Variants in SHMT1 observed in about 807,000 individuals in gnomAD.
The protein encoded by SHMT1 is serine hydroxymethyltransferase, cytosolic.
A neutral mutation model predicts 49.0 loss-of-function variants in SHMT1; 45 were observed. That is an observed-to-expected ratio of 0.92 (90% CI 0.72 to 1.18). The LOEUF is 1.18. Among genes scored for constraint, SHMT1 ranks in the 50% most tolerant of loss-of-function variants. The probability of loss-of-function intolerance (pLI) is 0.00; values close to 1 mark genes in which losing one functional copy is unlikely to be tolerated. For missense variants in SHMT1, 541 were observed against 612.4 expected (o/e 0.88, Z 1.23); for synonymous variants, 232 against 246.6 (o/e 0.94, Z 0.55).
chr17:18,351,781 A>C (rs1238508927), intron 3 of SHMT1, among the ~76,000 whole-genome samples: 3 of 151,908 alleles, frequency 2.0e-5, no homozygotes, highest in Non-Finnish European at 1.5e-5. Context: ...TAAAAAAAAA[A>C]CAACAAGCCC....
rs563467894 is a variant in SHMT1, at chr17:18,347,575, C to T, written c.440G>A (p.Gly147Asp). 190 of 1,614,150 alleles carry T rather than the reference C, an allele frequency of 1.2e-4. No homozygotes were observed. The South Asian group carries it at 2.0e-3, about 17-fold the overall frequency. ...TGTCATGAACCCATGGGTCAGGTGG[C>T]CCCCATCCGGAAGGTCCAGGCCCAT... ...RIMGLDLPDG[G>D]HLTHGFMTDK... Residue 147 changes from glycine to aspartate, a missense_variant, in exon 5 of 12, where the codon GGC becomes GAC. Coordinates refer to ENST00000316694, the MANE Select transcript of SHMT1 (RefSeq NM_004169.5).
At chr17:18,362,318 TTCTC>T (rs1349638645) in intron 1 of SHMT1, among the ~76,000 whole-genome samples, 4 of 152,276 alleles carry the variant, frequency 2.6e-5, no homozygotes, top group South Asian at 2.1e-4. Context: ...TTTCTTTTCT[TTCTC>T]TCTCTTTCTT....
Position 18,330,902 on chromosome 17 carries a change from C to T in SHMT1, c.1055-231G>A, listed in dbSNP as rs146815810. On this transcript the variant is annotated intron_variant, in intron 9 of 11. Transcript: ENST00000316694. ...GGTAACTGATCATACAGCAGAGGGC[C>T]TGACACTCCCATGGGGAAGGGACAG... is the stretch of plus-strand genomic sequence containing the variant. 6.6e-4 allele frequency: 363 copies of T among 550,538 alleles called. No individual in the cohort carries two copies. The Middle Eastern group carries it at 0.014, about 21-fold the overall frequency. The allele number at this position is 550,538 out of a possible 1,614,324, so 34.1% of individuals were successfully genotyped here.
At chr17:18,357,623 CT>C (rs1986360621) in intron 1 of SHMT1, among the ~76,000 whole-genome samples, 1 of 152,090 alleles carries the variant, frequency 6.6e-6, no homozygotes, top group Non-Finnish European at 1.5e-5. Flanking sequence ...TCAAAAATCT[CT>C]GTACGATTTT....
chr17:18,341,148 A>G (rs1273740743), intron 5 of SHMT1: 4 of 370,274 alleles, frequency 1.1e-5, no homozygotes, highest in African/African-American at 6.2e-5. Flanking sequence ...GAACAAGACC[A>G]AAATGCCTGC....
chr17:18,335,477 G>T lies in SHMT1; in HGVS notation c.931+82C>A, dbSNP rs1415953691. ...GCCCTCCAGCTTTTTCCCCAGCGTG[G>T]AAGTCCTGGCACACGATTTTGGAGG... is the stretch of plus-strand genomic sequence containing the variant. On this transcript the variant is annotated intron_variant, in intron 8 of 11. Coordinates refer to ENST00000316694, the MANE Select transcript of SHMT1 (RefSeq NM_004169.5). 9.5e-6 allele frequency: 9 copies of T among 947,500 alleles called. No homozygotes were observed. The East Asian group carries it at 2.2e-4, about 23-fold the overall frequency. The allele number at this position is 947,500 out of a possible 1,614,324, so 58.7% of individuals were successfully genotyped here.
chr17:18,346,463 A>G (rs1317762359), intron 5 of SHMT1, among the ~76,000 whole-genome samples: 1 of 152,114 alleles, frequency 6.6e-6, no homozygotes, highest in Non-Finnish European at 1.5e-5. Context: ...TCCCACGAAA[A>G]ACAAGTATTT....
At chr17:18,334,222 G>A (rs1171481896) in intron 8 of SHMT1, among the ~76,000 whole-genome samples, 3 of 151,946 alleles carry the variant, frequency 2.0e-5, no homozygotes, top group Non-Finnish European at 2.9e-5. Flanking sequence ...GACTACAGGC[G>A]TGAGCCACTG....
chr17:18,361,628 T>TA (rs1222040195), intron 1 of SHMT1, among the ~76,000 whole-genome samples: 1 of 147,966 alleles, frequency 6.8e-6, no homozygotes, highest in Non-Finnish European at 1.5e-5. Flanking sequence ...TCTACAAAAA[T>TA]AAAAAAAAAT....
chr17:18,349,719 T>TA (rs988669279), intron 3 of SHMT1, among the ~76,000 whole-genome samples: 4 of 148,492 alleles, frequency 2.7e-5, no homozygotes, highest in South Asian at 2.2e-4. Flanking sequence ...ACCCTAACTC[T>TA]AAAAAAAATA....
chr17:18,338,002 G>A (rs1212380480), intron 7 of SHMT1, among the ~76,000 whole-genome samples: 1 of 151,584 alleles, frequency 6.6e-6, no homozygotes, highest in Non-Finnish European at 1.5e-5. Context: ...ACCCCGTCTG[G>A]GAAGTGAGGA....
Position 18,353,525 on chromosome 17 carries a change from A to T in SHMT1, c.242+147T>A. ...TGTTATCACATGCTGGGAATAAAAG[A>T]GTTCTGTCAGAGAGCAGGCGTGGAA... is the stretch of plus-strand genomic sequence containing the variant. On this transcript the variant is annotated intron_variant, in intron 3 of 11. Coordinates refer to ENST00000316694, the MANE Select transcript of SHMT1 (RefSeq NM_004169.5). 5.9e-6 allele frequency: 5 copies of T among 850,396 alleles called. No individual in the cohort carries two copies. In the South Asian group the frequency reaches 6.7e-5, roughly 11 times the overall value. The allele number at this position is 850,396 out of a possible 1,614,324, so 52.7% of individuals were successfully genotyped here.
In SHMT1 at chr17:18,340,633, A is replaced by G. The variant is rs1423785289; in HGVS notation, c.601+99T>C. 9.8e-7 allele frequency: 1 copy of G among 1,024,922 alleles called. No individual in the cohort carries two copies. Among genetic ancestry groups the G allele is most frequent in the South Asian group, 1.4e-5 (1 of 73,578 alleles). 63.5% of individuals were successfully genotyped at this position (1,024,922 alleles called of 1,614,324 possible). A position where few individuals can be genotyped will look rare whatever the true frequency, so the allele number is the denominator to read the frequency against. ...AACTCAGTTATCCAGGGCAGAAACT[A>G]GCAGTGGGCTCAACAGGGTGCGAAC... On this transcript the variant is annotated intron_variant, in intron 6 of 11. Transcript: ENST00000316694. This position sits in a 1 kb window ranked among gnomAD's most constrained non-coding sequence, Gnocchi z 4.5.
chr17:18,347,035 G>T (rs1985152436), intron 5 of SHMT1, among the ~76,000 whole-genome samples: 1 of 152,350 alleles, frequency 6.6e-6, no homozygotes. Context: ...GTGCCGGGCT[G>T]CTGGTTTTGG....
At chr17:18,336,018 C>A (rs924069567) in intron 7 of SHMT1, among the ~76,000 whole-genome samples, 2 of 152,206 alleles carry the variant, frequency 1.3e-5, no homozygotes, top group African/African-American at 4.8e-5. Flanking sequence ...GTGGCTCACA[C>A]CTGTAATCCC....
At chr17:18,350,203 C>T (rs946830300) in intron 3 of SHMT1, among the ~76,000 whole-genome samples, 1 of 151,728 alleles carries the variant, frequency 6.6e-6, no homozygotes, top group African/African-American at 2.4e-5. Flanking sequence ...TGGTGGCGGG[C>T]GCCTGTAGTC....
intron 7 of SHMT1, among the ~76,000 whole-genome samples, chr17:18,338,690 G>A (rs1984128330): frequency 6.6e-6 from 1 of 152,188 alleles, no homozygotes; most frequent in Non-Finnish European, 1.5e-5. Context: ...GTAGACATAG[G>A]AGATTCCATT....
intron 8 of SHMT1, 47 bp downstream of exon 8, chr17:18,335,512 A>G (rs1598020960): frequency 1.5e-6 from 2 of 1,326,598 alleles, no homozygotes; most frequent in East Asian, 4.6e-5. Flanking sequence ...GACAGGTGGG[A>G]TGGGAATTAG....
intron 4 of SHMT1, 141 bp from the exon 5 acceptor site, chr17:18,347,797 T>G: frequency 1.2e-6 from 1 of 856,816 alleles, no homozygotes; most frequent in Admixed American, 2.1e-5. Flanking sequence ...AGGTGCCCCT[T>G]CACCACCAGC....
Sources: allele counts gnomAD v4.1 joint callset (sites outside exome capture counted in the v4.1 genomes callset), GRCh38; gene constraint gnomAD v4.1.1; non-coding constraint Gnocchi (gnomAD v3.1); transcripts MANE v1.5; gene names NCBI Gene and HGNC (gene_info 2026-07-23, HGNC 2026-07-21).